Variants in DGLUCY observed in about 807,000 individuals in gnomAD.
The protein encoded by DGLUCY is D-glutamate cyclase, mitochondrial.
A neutral mutation model predicts 58.5 loss-of-function variants in DGLUCY; 58 were observed. The observed-to-expected ratio is 0.99, with a 90% confidence interval of 0.80 to 1.23. DGLUCY has a LOEUF of 1.23. DGLUCY is among the 50% of genes most tolerant of loss of function. The pLI, the probability that DGLUCY is intolerant of heterozygous loss-of-function variation, is 0.00. For synonymous variants in DGLUCY, 325 were observed against 314.1 expected, an observed-to-expected ratio of 1.03 and a Z score of -0.37; for missense variants, 779 against 784.7, an observed-to-expected ratio of 0.99 and a Z score of 0.09.
chr14:91,102,801 C>T (rs145963004), intron 1 of DGLUCY, among the ~76,000 whole-genome samples: 65 of 126,760 alleles, frequency 5.1e-4, no homozygotes, highest in African/African-American at 1.7e-3. Context: ...GACTGAGTCT[C>T]GCTCTATCAC....
At chr14:91,118,005 A>C (rs919138859) in intron 1 of DGLUCY, among the ~76,000 whole-genome samples, 26 of 151,176 alleles carry the variant, frequency 1.7e-4, no homozygotes, top group Non-Finnish European at 3.7e-4. Flanking sequence ...GCCAAGGGCC[A>C]AGGTTCTTGT....
At chr14:91,216,121 G>C in intron 13 of DGLUCY, 1 of 216,752 alleles carries the variant, frequency 4.6e-6, no homozygotes, top group Non-Finnish European at 9.4e-6. Context: ...GCAGGGGCTT[G>C]GGAGATGAGG....
chr14:91,060,626 G>C, exon 1 of DGLUCY: 1 of 742,048 alleles, frequency 1.3e-6, no homozygotes, highest in Non-Finnish European at 1.8e-6. Flanking sequence ...CCTTCGGCGG[G>C]CACCGCTAGT....
chr14:91,063,621 A>G (rs1425295755), intron 1 of DGLUCY, among the ~76,000 whole-genome samples: 2 of 152,266 alleles, frequency 1.3e-5, no homozygotes, highest in East Asian at 1.9e-4. Flanking sequence ...TCATATGTGT[A>G]ATATGGAGGG....
chr14:91,108,324 T>C (rs1282758218), intron 1 of DGLUCY, among the ~76,000 whole-genome samples: 1 of 152,010 alleles, frequency 6.6e-6, no homozygotes, highest in Non-Finnish European at 1.5e-5. Flanking sequence ...AGCACTCATA[T>C]TGGTTACTGA....
chr14:91,065,482 G>T (rs760051558), intron 1 of DGLUCY, among the ~76,000 whole-genome samples: 3 of 152,070 alleles, frequency 2.0e-5, no homozygotes, highest in Non-Finnish European at 2.9e-5. Context: ...TGAACATCGG[G>T]ATCACCTGGG....
Position 91,205,456 on chromosome 14 carries a change from C to G in DGLUCY, c.1564+631C>G, listed in dbSNP as rs185690320. Among the ~76,000 whole-genome samples the G allele has an allele frequency of 3.9e-5, 6 of 152,236 alleles. No individual in the cohort carries two copies. In the East Asian group the frequency reaches 1.2e-3, roughly 29 times the overall value. On this transcript the variant is annotated intron_variant, in intron 12 of 13. Coordinates refer to ENST00000256324, the MANE Select transcript of DGLUCY (RefSeq NM_001102368.3). ...ACATTTCAAGAAAATTGGGAGATCC[C>G]TGAAAAAGGCTCTCTCCCACTTCAT...
rs182395250 is a variant in DGLUCY, at chr14:91,157,026, G to A, written c.-81-613G>A. On this transcript the variant is annotated intron_variant, in intron 1 of 13. Transcript: ENST00000256324. ...GGGTGGGTGAATGGATGAATGGCTG[G>A]GTGAATGGATAGATGGATGAATGAA... 3.1e-3 allele frequency among the ~76,000 whole-genome samples: 471 copies of A among 152,272 alleles called. 4 individuals are homozygous for A. The highest frequency in any genetic ancestry group is 0.01 in the African/African-American group (416 of 41,534).
chr14:91,068,075 G>GCA (rs778305281), intron 1 of DGLUCY, among the ~76,000 whole-genome samples: 79 of 46,056 alleles, frequency 1.7e-3, no homozygotes, highest in South Asian at 4.3e-3. Flanking sequence ...ACACACACGC[G>GCA]CACGCACACA....
chr14:91,108,555 G>GAGAGAGAC (rs2044639718), intron 1 of DGLUCY, among the ~76,000 whole-genome samples: 1 of 148,970 alleles, frequency 6.7e-6, no homozygotes, highest in Non-Finnish European at 1.5e-5. Context: ...GAGAGAGAGA[G>GAGAGAGAC]AGAGACAGAG....
At chr14:91,208,982 TACTC>T (rs761167318) in intron 12 of DGLUCY, among the ~76,000 whole-genome samples, 2 of 152,084 alleles carry the variant, frequency 1.3e-5, no homozygotes, top group African/African-American at 4.8e-5. Context: ...TCATATAAAA[TACTC>T]AGTTAAAACC....
At chr14:91,146,151 C>T (rs963102515) in intron 1 of DGLUCY, among the ~76,000 whole-genome samples, 4 of 152,138 alleles carry the variant, frequency 2.6e-5, no homozygotes, top group African/African-American at 7.2e-5. Flanking sequence ...GGAATTAAGG[C>T]GTGTACCACC....
chr14:91,160,417 T>TAAAAA lies in DGLUCY; in HGVS notation c.103+40_103+44dup, dbSNP rs34785372. The TAAAAA allele has an allele frequency of 2.5e-4, 144 of 579,408 alleles. No homozygotes were observed. Among genetic ancestry groups the TAAAAA allele is most frequent in the South Asian group, 6.7e-4 (27 of 40,568 alleles). 35.9% of individuals were successfully genotyped at this position (579,408 alleles called of 1,614,324 possible). A position where few individuals can be genotyped will look rare whatever the true frequency, so the allele number is the denominator to read the frequency against. On this transcript the variant is annotated intron_variant, in intron 3 of 13. Transcript: ENST00000256324. ...CTGGAGGTAAGTGGTGCCAGATAGT[T>TAAAAA]AAAAAAAAAAAAAAAAAAAAAAAAG... is the stretch of plus-strand genomic sequence containing the variant.
intron 1 of DGLUCY, among the ~76,000 whole-genome samples, chr14:91,063,946 TATCACTGTA>T (rs146312668): frequency 0.018 from 2,789 of 152,300 alleles, 68 homozygotes; most frequent in African/African-American, 0.065. Flanking sequence ...GTTAGGAGGC[TATCACTGTA>T]ATCTGGGCAA....
At chr14:91,088,910 T>C (rs557509257) in intron 1 of DGLUCY, among the ~76,000 whole-genome samples, 3 of 152,356 alleles carry the variant, frequency 2.0e-5, no homozygotes, top group African/African-American at 7.2e-5. Flanking sequence ...AGGCCAGCTC[T>C]GTCCCCAGGA....
chr14:91,153,410 T>C (rs1458476602), intron 1 of DGLUCY, among the ~76,000 whole-genome samples: 1 of 152,174 alleles, frequency 6.6e-6, no homozygotes, highest in African/African-American at 2.4e-5. Flanking sequence ...CTCAAACTCC[T>C]GTCCTCAAGT....
At chr14:91,152,154 A>G (rs187650542) in intron 1 of DGLUCY, among the ~76,000 whole-genome samples, 204 of 152,300 alleles carry the variant, frequency 1.3e-3, no homozygotes, top group African/African-American at 4.5e-3. Flanking sequence ...TGGGAGTCCA[A>G]GGCAGGAGGA....
At chr14:91,217,275 G>C (rs1184326848) in intron 13 of DGLUCY, among the ~76,000 whole-genome samples, 1 of 152,212 alleles carries the variant, frequency 6.6e-6, no homozygotes, top group Non-Finnish European at 1.5e-5. Context: ...TGAGGGATTA[G>C]AGGTGGGTGC....
chr14:91,204,417 T>C (rs2050752728), intron 11 of DGLUCY, among the ~76,000 whole-genome samples: 1 of 152,214 alleles, frequency 6.6e-6, no homozygotes, highest in Non-Finnish European at 1.5e-5. Flanking sequence ...ACATCTCCCA[T>C]GGGCCTGGCA....
Sources: gnomAD v4.1 joint callset for allele counts (sites outside exome capture counted in the v4.1 genomes callset) on GRCh38, gnomAD v4.1.1 for gene constraint, MANE v1.5 for transcripts, NCBI Gene and HGNC (gene_info 2026-07-23, HGNC 2026-07-21) for gene names.